Variants in AK8 observed in about 807,000 individuals in gnomAD.
AK8 encodes ATP-AMP transphosphorylase 8.
AK8 carries 44 observed loss-of-function variants against 54.6 expected under a neutral mutation model. The ratio of observed to expected loss-of-function variants is 0.81; its 90% CI spans 0.63 to 1.04. AK8 has a LOEUF of 1.04. AK8 is among the 50% of genes least tolerant of loss of function. The pLI, the probability that AK8 is intolerant of heterozygous loss-of-function variation, is 0.00. For synonymous variants in AK8, 239 were observed against 245.6 expected (o/e 0.97, Z 0.25); for missense variants, 555 against 613.6 (o/e 0.90, Z 1.01).
intron 5 of AK8, among the ~76,000 whole-genome samples, chr9:132,832,368 T>C (rs921480480): frequency 2.6e-5 from 4 of 152,134 alleles, no homozygotes; most frequent in Non-Finnish European, 2.9e-5. Flanking sequence ...CTGCAGCTCT[T>C]AGAAAGAGCA....
intron 5 of AK8, among the ~76,000 whole-genome samples, chr9:132,853,440 G>T (rs1843050136): frequency 6.6e-6 from 1 of 151,426 alleles, no homozygotes. Context: ...AGAAAAAAAT[G>T]ATGCATTATT....
chr9:132,878,875 C>T, upstream of AK8: 3 of 727,564 alleles, frequency 4.1e-6, no homozygotes, highest in Non-Finnish European at 5.0e-6. The surrounding 1 kb of genome is among the most constrained non-coding windows in gnomAD (Gnocchi z 4.7). Context: ...CCCGCCCCTT[C>T]TCGCCCGACG....
chr9:132,766,256 T>C (rs73546925), intron 11 of AK8, among the ~76,000 whole-genome samples: 9,396 of 152,184 alleles, frequency 0.062, 958 homozygotes, highest in African/African-American at 0.21. Flanking sequence ...GAACAACAAA[T>C]GTGCTCCAAC....
rs570587943 is a variant in AK8, at chr9:132,871,136, G to A, written c.169+3979C>T. On this transcript the variant is annotated intron_variant, in intron 2 of 12. Coordinates refer to ENST00000298545, the MANE Select transcript of AK8 (RefSeq NM_152572.3). ...TGGCGGGTGCCTGTAATCCAAGCTA[G>A]TCAGGAGGCTGAGGCAGGAGAATCA... is the stretch of plus-strand genomic sequence containing the variant. Among the ~76,000 whole-genome samples the A allele has an allele frequency of 2.6e-5, 4 of 152,264 alleles. No homozygotes were observed. In the East Asian group the frequency reaches 5.8e-4, roughly 22 times the overall value.
At chr9:132,739,913 C>T (rs183771182) in intron 11 of AK8, among the ~76,000 whole-genome samples, 3 of 152,364 alleles carry the variant, frequency 2.0e-5, no homozygotes, top group East Asian at 3.9e-4. Context: ...GAACAAGGCC[C>T]TTACCTTGTG....
chr9:132,768,711 A>G (rs938390413), intron 11 of AK8, among the ~76,000 whole-genome samples: 1 of 152,232 alleles, frequency 6.6e-6, no homozygotes, highest in Non-Finnish European at 1.5e-5. Context: ...ATTGTAATAG[A>G]AAAAACAGGA....
chr9:132,818,063 T>A (rs1841408591), intron 9 of AK8, among the ~76,000 whole-genome samples: 1 of 152,220 alleles, frequency 6.6e-6, no homozygotes. Flanking sequence ...TAGAATGACA[T>A]CTTTAAAGTG....
intron 11 of AK8, among the ~76,000 whole-genome samples, chr9:132,740,074 C>T (rs758581596): frequency 5.3e-5 from 8 of 152,324 alleles, no homozygotes; most frequent in Admixed American, 6.5e-5. Context: ...TCCTTAAATG[C>T]GGAAGAGAAG....
chr9:132,730,439 T>G (rs930754023), intron 11 of AK8, among the ~76,000 whole-genome samples: 5 of 151,010 alleles, frequency 3.3e-5, no homozygotes, highest in Admixed American at 3.3e-4. Context: ...ACTGCCTGTT[T>G]TTTTTTTTTT....
At chr9:132,772,379 G>T (rs1016222803) in intron 11 of AK8, among the ~76,000 whole-genome samples, 2 of 152,200 alleles carry the variant, frequency 1.3e-5, no homozygotes, top group Non-Finnish European at 2.9e-5. Flanking sequence ...TAAAGAGGTG[G>T]TTAAGTTAAA....
In AK8 at chr9:132,781,427, AT is replaced by A; in HGVS notation, c.1121+11206del. Reference sequence around the variant, plus strand: ...ACCCATTTATTAGCTCTAAGAAGAGATTTATATTTGACAAGGAGACAATAGC... The same window carrying A: ...ACCCATTTATTAGCTCTAAGAAGAGATTATATTTGACAAGGAGACAATAGC... On this transcript the variant is annotated intron_variant, in intron 11 of 12. Coordinates refer to ENST00000298545, the MANE Select transcript of AK8 (RefSeq NM_152572.3). This position sits in a 1 kb window ranked among gnomAD's most constrained non-coding sequence, Gnocchi z 4.6. Among the ~76,000 whole-genome samples the A allele has an allele frequency of 6.6e-6, 1 of 152,280 alleles. No individual in the cohort carries two copies. Among genetic ancestry groups the A allele is most frequent in the South Asian group, 2.1e-4 (1 of 4,832 alleles).
chr9:132,805,891 T>C (rs971545417), intron 10 of AK8, among the ~76,000 whole-genome samples: 1 of 152,086 alleles, frequency 6.6e-6, no homozygotes, highest in African/African-American at 2.4e-5. Flanking sequence ...AAGGAGCTAC[T>C]TCAAAAGCAT....
At chr9:132,733,238 C>T (rs1005780334) in intron 11 of AK8, among the ~76,000 whole-genome samples, 30 of 151,762 alleles carry the variant, frequency 2.0e-4, no homozygotes, top group African/African-American at 6.3e-4. Flanking sequence ...AAAAAACATG[C>T]GAGATCGGGG....
chr9:132,850,640 C>T lies in AK8; in HGVS notation c.402+4217G>A, dbSNP rs1009311662. Among the ~76,000 whole-genome samples the T allele has an allele frequency of 1.1e-4, 17 of 152,162 alleles. 1 individual carries two copies. The highest frequency in any genetic ancestry group is 1.3e-4 in the Admixed American group (2 of 15,288). On this transcript the variant is annotated intron_variant, in intron 5 of 12. Transcript: ENST00000298545. ...CTCGAAATCCTGACCTCAGGTGATC[C>T]GCCCGCCTCGCCTTCCCAAAATACT...
intron 10 of AK8, among the ~76,000 whole-genome samples, chr9:132,810,198 T>C (rs1384117406): frequency 6.6e-6 from 1 of 152,230 alleles, no homozygotes; most frequent in Non-Finnish European, 1.5e-5. Flanking sequence ...TGGTTGTTGT[T>C]GTGTCTTTAA....
At chr9:132,761,311 G>C (rs1838462931) in intron 11 of AK8, among the ~76,000 whole-genome samples, 2 of 146,026 alleles carry the variant, frequency 1.4e-5, no homozygotes, top group South Asian at 4.2e-4. Flanking sequence ...CAGTCACCCA[G>C]GCTGGAGTGC....
chr9:132,733,839 T>C (rs766008596), intron 11 of AK8, among the ~76,000 whole-genome samples: 7 of 152,140 alleles, frequency 4.6e-5, no homozygotes, highest in Non-Finnish European at 1.0e-4. Context: ...CCTCCTGGTG[T>C]GGGTGAGGGT....
At chr9:132,846,820 C>G (rs919463215) in intron 5 of AK8, among the ~76,000 whole-genome samples, 1 of 152,260 alleles carries the variant, frequency 6.6e-6, no homozygotes, top group African/African-American at 2.4e-5. Context: ...AGCCCTGCCG[C>G]TTCCCCCGGT....
At chr9:132,820,859 A>G (rs1433040397) in intron 9 of AK8, among the ~76,000 whole-genome samples, 2 of 152,220 alleles carry the variant, frequency 1.3e-5, no homozygotes, top group Admixed American at 6.5e-5. Flanking sequence ...TCAGACACGC[A>G]TTTGCAGAGA....
Sources: allele counts gnomAD v4.1 joint callset (sites outside exome capture counted in the v4.1 genomes callset), GRCh38; gene constraint gnomAD v4.1.1; non-coding constraint Gnocchi (gnomAD v3.1); transcripts MANE v1.5; gene names NCBI Gene and HGNC (gene_info 2026-07-23, HGNC 2026-07-21).